Variants in DMD observed in about 807,000 individuals in gnomAD.
DMD encodes dystrophin, also known as mutant dystrophin.
In DMD, 63 loss-of-function variants were observed where a neutral mutation model predicts 330.1. The observed-to-expected ratio is 0.19, with a 90% CI of 0.16 to 0.24. DMD has a LOEUF of 0.24. Ranked by LOEUF, DMD falls within the 10% of genes least tolerant of loss-of-function variation. The pLI is 1.00. For synonymous variants in DMD, 1,223 were observed against 959.8 expected (o/e 1.27, Z -5.07); for missense variants, 3,344 against 2,684.1 (o/e 1.25, Z -5.43).
chrX:33,239,605 C>A (rs1198542317), intron 1 of DMD, among the ~76,000 whole-genome samples: 1 of 111,684 alleles, frequency 9.0e-6, no homozygotes, highest in Non-Finnish European at 1.9e-5. Flanking sequence ...TTGTAAAATT[C>A]TTGTTTTCAA....
chrX:32,785,278 C>T (rs998473456), intron 7 of DMD, among the ~76,000 whole-genome samples: 1 of 109,423 alleles, frequency 9.1e-6, no homozygotes, highest in Admixed American at 9.8e-5. Flanking sequence ...AACAATAGTG[C>T]TCATAATATT....
chrX:31,454,568 T>C (rs774051952), intron 59 of DMD, among the ~76,000 whole-genome samples: 20 of 111,808 alleles, frequency 1.8e-4, no homozygotes, highest in African/African-American at 5.8e-4. Flanking sequence ...TCTAAGGCAG[T>C]GATTCTCACA....
At chrX:31,721,710 CTCTCTCTCTATATATA>C (rs1569293262) in intron 52 of DMD, among the ~76,000 whole-genome samples, 27 of 54,728 alleles carry the variant, frequency 4.9e-4, no homozygotes, top group Non-Finnish European at 8.1e-4. Flanking sequence ...CTCTCTCTCT[CTCTCTCTCTATATATA>C]TATATATATA....
At chrX:32,265,717 G>A (rs778670046) in intron 43 of DMD, among the ~76,000 whole-genome samples, 4 of 112,656 alleles carry the variant, frequency 3.6e-5, no homozygotes, top group African/African-American at 9.7e-5. Flanking sequence ...TTATCTTGGA[G>A]CTTTAAGATT....
At chrX:32,841,324 A>T (rs888622482) in intron 4 of DMD, among the ~76,000 whole-genome samples, 1 of 112,039 alleles carries the variant, frequency 8.9e-6, no homozygotes, top group Non-Finnish European at 1.9e-5. Context: ...ACTCAATGTT[A>T]ATCATACTTA....
intron 41 of DMD, among the ~76,000 whole-genome samples, chrX:32,335,499 G>A (rs1198814872): frequency 1.4e-5 from 1 of 73,751 alleles, no homozygotes; most frequent in African/African-American, 4.0e-5. Flanking sequence ...ATATATACAT[G>A]TTATATATAT....
Position 32,190,550 on chromosome X carries a change from TTATATATATA to T in DMD, c.6438+26356_6438+26365del, listed in dbSNP as rs753482446. On this transcript the variant is annotated intron_variant, in intron 44 of 78. Coordinates refer to ENST00000357033, the MANE Select transcript of DMD (RefSeq NM_004006.3). ...ATTCTAGCTAACCATATTTAAAATT[TTATATATATA>T]TATATATATATATATATATATATAT... Among the ~76,000 whole-genome samples, 100 of 62,506 alleles carry T rather than the reference TTATATATATA, an allele frequency of 1.6e-3. 1 individual carries two copies. Among genetic ancestry groups the T allele is most frequent in the African/African-American group, 2.3e-3 (34 of 14,680 alleles). 54.3% of individuals were successfully genotyped at this position (62,506 alleles called of 115,157 possible).
chrX:32,549,643 T>C (rs867061108), intron 16 of DMD, among the ~76,000 whole-genome samples: 5 of 112,234 alleles, frequency 4.5e-5, no homozygotes, highest in Middle Eastern at 9.2e-3. Flanking sequence ...AGATTACATA[T>C]GTTAAAAAGA....
intron 2 of DMD, among the ~76,000 whole-genome samples, chrX:32,989,038 A>G (rs1226263719): frequency 1.8e-5 from 2 of 111,723 alleles, no homozygotes; most frequent in Admixed American, 1.9e-4. Context: ...GGGAAATAAA[A>G]GAAAAGAATA....
At chrX:33,057,863 T>A (rs2094536223) in intron 1 of DMD, among the ~76,000 whole-genome samples, 1 of 110,866 alleles carries the variant, frequency 9.0e-6, no homozygotes, top group South Asian at 3.8e-4. Flanking sequence ...TATACCCAAT[T>A]TTTGTTTTTT....
intron 2 of DMD, among the ~76,000 whole-genome samples, chrX:32,936,370 C>A (rs1341259917): frequency 8.9e-6 from 1 of 111,944 alleles, no homozygotes; most frequent in Non-Finnish European, 1.9e-5. Flanking sequence ...CTCGGCCTCC[C>A]AAAGTGTTGG....
At chrX:31,691,574 T>C (rs913534751) in intron 52 of DMD, among the ~76,000 whole-genome samples, 11 of 111,726 alleles carry the variant, frequency 9.8e-5, no homozygotes, top group African/African-American at 2.3e-4. Flanking sequence ...AGGACATGCA[T>C]AGACTGAAAG....
At chrX:31,621,961 G>C (rs2078555825) in intron 55 of DMD, among the ~76,000 whole-genome samples, 1 of 111,580 alleles carries the variant, frequency 9.0e-6, no homozygotes, top group African/African-American at 3.3e-5. Context: ...GGTTCTCACT[G>C]GACAATAGAT....
intron 55 of DMD, among the ~76,000 whole-genome samples, chrX:31,620,478 G>A (rs955276485): frequency 4.3e-4 from 45 of 103,634 alleles, no homozygotes; most frequent in African/African-American, 1.4e-3. Context: ...GCAATGGCAC[G>A]ATCTCAGCTC....
intron 43 of DMD, among the ~76,000 whole-genome samples, chrX:32,229,176 T>C (rs1328940151): frequency 5.4e-5 from 6 of 111,321 alleles, no homozygotes; most frequent in Non-Finnish European, 1.1e-4. Context: ...TATAATATAC[T>C]ATCCTCTTGG....
intron 34 of DMD, among the ~76,000 whole-genome samples, chrX:32,372,548 A>G (rs2097883318): frequency 9.0e-6 from 1 of 111,727 alleles, no homozygotes; most frequent in Non-Finnish European, 1.9e-5. Context: ...CAGAAAAGGA[A>G]AAGTATCTGA....
intron 9 of DMD, among the ~76,000 whole-genome samples, chrX:32,646,296 G>C (rs753207237): frequency 9.0e-6 from 1 of 111,405 alleles, no homozygotes; most frequent in East Asian, 2.8e-4. Flanking sequence ...TTTGCAGGAG[G>C]TTTTGCTTTG....
chrX:32,958,899 G>A (rs888388665), intron 2 of DMD, among the ~76,000 whole-genome samples: 1 of 110,085 alleles, frequency 9.1e-6, no homozygotes, highest in Non-Finnish European at 1.9e-5. Context: ...ACACTTCTTA[G>A]ATATCATAAA....
At chrX:31,978,456 C>G (rs995427233) in intron 44 of DMD, among the ~76,000 whole-genome samples, 5 of 111,406 alleles carry the variant, frequency 4.5e-5, no homozygotes, top group African/African-American at 1.6e-4. Flanking sequence ...CAGACTCTTT[C>G]ACTGCATAAC....
Sources: gnomAD v4.1 joint callset for allele counts (sites outside exome capture counted in the v4.1 genomes callset) on GRCh38, gnomAD v4.1.1 for gene constraint, MANE v1.5 for transcripts, NCBI Gene and HGNC (gene_info 2026-07-23, HGNC 2026-07-21) for gene names.